CELF2: variants seen among roughly 807,000 people sequenced by gnomAD.
CELF2 encodes CUG triplet repeat RNA-binding protein 2.
Under a neutral mutation model 62.6 loss-of-function variants are expected in CELF2, and 8 were observed. The ratio of observed to expected loss-of-function variants is 0.13; its 90% CI spans 0.07 to 0.23. The LOEUF is 0.23. Among genes scored for constraint, CELF2 ranks in the 10% least tolerant of loss-of-function variants. CELF2 has a pLI of 1.00. For missense variants in CELF2, 333 were observed against 671.0 expected, an observed-to-expected ratio of 0.50 and a Z score of 5.56; for synonymous variants, 258 against 250.0, an observed-to-expected ratio of 1.03 and a Z score of -0.30.
rs190069927 is a variant in CELF2, at chr10:11,270,980, T to C, written c.777+156T>C. ...ATGCAGGATATTTTTCCAAGTTAGA[T>C]TGATTCTGTTAAGAACAGGACTAAT... On this transcript the variant is annotated intron_variant, in intron 7 of 12. Transcript: ENST00000633077. This position sits in a 1 kb window ranked among gnomAD's most constrained non-coding sequence, Gnocchi z 5.8. Among the ~76,000 whole-genome samples, 50 of 152,372 alleles carry C rather than the reference T, an allele frequency of 3.3e-4. No individual in the cohort carries two copies. Among genetic ancestry groups the C allele is most frequent in the African/African-American group, 1.2e-3 (49 of 41,580 alleles).
At chr10:10,921,199 C>T (rs745568351) in intron 2 of CELF2, among the ~76,000 whole-genome samples, 2 of 152,110 alleles carry the variant, frequency 1.3e-5, no homozygotes, top group Non-Finnish European at 2.9e-5. Context: ...AGGTGATCCA[C>T]CCGTCTCGGC....
At chr10:11,162,272 AC>A (rs1405290508) in intron 1 of CELF2, among the ~76,000 whole-genome samples, 1 of 152,008 alleles carries the variant, frequency 6.6e-6, no homozygotes, top group Non-Finnish European at 1.5e-5. Context: ...ATGGGACAGG[AC>A]CACCCATTTC....
At chr10:10,529,400 G>C in the CELF2 span, among the ~76,000 whole-genome samples, 90 of 152,246 alleles carry the variant, frequency 5.9e-4, no homozygotes, top group African/African-American at 2.0e-3. Context: ...GAAGGTGAGT[G>C]TGTTGGCAGG....
chr10:10,509,742 G>T, the CELF2 span, among the ~76,000 whole-genome samples: 4 of 152,168 alleles, frequency 2.6e-5, no homozygotes, highest in Non-Finnish European at 4.4e-5. Flanking sequence ...CACACATACT[G>T]CAAACTCACT....
the CELF2 span, among the ~76,000 whole-genome samples, chr10:10,719,930 A>G: frequency 6.6e-6 from 1 of 152,250 alleles, no homozygotes; most frequent in East Asian, 1.9e-4. Context: ...TTTTCAGTTC[A>G]TTGACAGCCA....
At chr10:11,198,835 A>C (rs1023351212) in intron 2 of CELF2, among the ~76,000 whole-genome samples, 2 of 152,240 alleles carry the variant, frequency 1.3e-5, no homozygotes, top group Non-Finnish European at 2.9e-5. Flanking sequence ...TGTTCGTGGC[A>C]ATCTATAGAC....
rs1223983510 is a variant in CELF2, at chr10:11,214,296, T to A, written c.272-3129T>A. ...CATCCTGTCTCAAAAATAAATAAATTTTTTAATGATGAAACTAACTAAGGT... is the reference window on the plus strand; with the variant it reads ...CATCCTGTCTCAAAAATAAATAAATATTTTAATGATGAAACTAACTAAGGT... On this transcript the variant is annotated intron_variant, in intron 2 of 12. Coordinates refer to ENST00000633077, the MANE Select transcript of CELF2 (RefSeq NM_001326342.2). The surrounding 1 kb of genome is among the most constrained non-coding windows in gnomAD (Gnocchi z 4.2). Among the ~76,000 whole-genome samples, 1 of 152,138 alleles carries A rather than the reference T, an allele frequency of 6.6e-6. No homozygotes were observed. Among genetic ancestry groups the A allele is most frequent in the Admixed American group, 6.5e-5 (1 of 15,278 alleles).
At chr10:10,802,119 A>C (rs2054726628) in intron 1 of CELF2, among the ~76,000 whole-genome samples, 1 of 152,188 alleles carries the variant, frequency 6.6e-6, no homozygotes, top group Admixed American at 6.5e-5. Context: ...TCAAAAGCTA[A>C]ATAAAGTATT....
At position 11,318,827 on chromosome 10, in the gene CELF2, A is replaced by G; in HGVS notation, c.1097-2362A>G. The G allele has an allele frequency of 2.1e-6, 1 of 471,296 alleles. No homozygotes were observed. Among genetic ancestry groups the G allele is most frequent in the Non-Finnish European group, 4.4e-6 (1 of 227,080 alleles). The allele number at this position is 471,296 out of a possible 1,614,324, so 29.2% of individuals were successfully genotyped here. A position where few individuals can be genotyped will look rare whatever the true frequency, so the allele number is the denominator to read the frequency against. On this transcript the variant is annotated intron_variant, in intron 10 of 12. Transcript: ENST00000633077. The surrounding 1 kb of genome is among the most constrained non-coding windows in gnomAD (Gnocchi z 5.4). ...CACTGCCATAAAATGCCACCTGTGTATCTGGCACTCTGGAGAAGCCGAGTC... is the reference window on the plus strand; with the variant it reads ...CACTGCCATAAAATGCCACCTGTGTGTCTGGCACTCTGGAGAAGCCGAGTC...
chr10:11,123,587 G>A (rs966056924), intron 1 of CELF2, among the ~76,000 whole-genome samples: 1 of 152,130 alleles, frequency 6.6e-6, no homozygotes, highest in East Asian at 1.9e-4. Context: ...GTTAAGAGTT[G>A]GGTGATAATC....
At chr10:10,522,307 G>A in the CELF2 span, among the ~76,000 whole-genome samples, 2 of 152,112 alleles carry the variant, frequency 1.3e-5, no homozygotes, top group South Asian at 4.1e-4. Flanking sequence ...CCAACATTAG[G>A]AAATATTGAG....
chr10:11,249,749 G>A (rs1048523911), intron 4 of CELF2, among the ~76,000 whole-genome samples: 3 of 152,182 alleles, frequency 2.0e-5, no homozygotes, highest in African/African-American at 7.2e-5. Context: ...TACACTTGGT[G>A]CAAAAATCTG....
At chr10:11,122,692 G>A (rs1375254898) in intron 1 of CELF2, among the ~76,000 whole-genome samples, 1 of 152,190 alleles carries the variant, frequency 6.6e-6, no homozygotes, top group African/African-American at 2.4e-5. Context: ...ACAACAAGCA[G>A]TCGTGAAAGA....
chr10:11,270,624 G>A lies in CELF2; in HGVS notation c.619-42G>A. On this transcript the variant is annotated intron_variant, in intron 6 of 12. Transcript: ENST00000633077. This position sits in a 1 kb window ranked among gnomAD's most constrained non-coding sequence, Gnocchi z 5.8. ...TGAGTGTCGTGAGCGGATTCCGCCA[G>A]CCTGTAACCCCCTCTCCACTTTCCA... 17 of 1,382,950 alleles carry A rather than the reference G, an allele frequency of 1.2e-5. No individual in the cohort carries two copies. Among genetic ancestry groups the A allele is most frequent in the Non-Finnish European group, 1.6e-5 (17 of 1,055,188 alleles). The allele number at this position is 1,382,950 out of a possible 1,614,324, so 85.7% of individuals were successfully genotyped here. A position where few individuals can be genotyped will look rare whatever the true frequency, so the allele number is the denominator to read the frequency against.
At chr10:11,275,159 T>C (rs377164964) in intron 8 of CELF2, 39 bp downstream of exon 8, 10 of 1,601,460 alleles carry the variant, frequency 6.2e-6, no homozygotes, top group Non-Finnish European at 8.6e-6. Context: ...GACCGTGCTA[T>C]TGTCAGAATT....
chr10:10,812,443 C>T (rs2056010950), intron 1 of CELF2, among the ~76,000 whole-genome samples: 1 of 152,164 alleles, frequency 6.6e-6, no homozygotes, highest in Non-Finnish European at 1.5e-5. Context: ...ATCACCACCA[C>T]TCTCGACTTT....
intron 1 of CELF2, among the ~76,000 whole-genome samples, chr10:11,130,239 A>C (rs1554857568): frequency 6.6e-6 from 1 of 152,182 alleles, no homozygotes; most frequent in Non-Finnish European, 1.5e-5. Flanking sequence ...TCTGAGAAAC[A>C]GTTTGTTGTA....
chr10:10,750,231 G>A, the CELF2 span, among the ~76,000 whole-genome samples: 3 of 151,138 alleles, frequency 2.0e-5, no homozygotes, highest in Admixed American at 1.3e-4. Flanking sequence ...GGAGTGAGCC[G>A]AGATTGCACC....
the CELF2 span, among the ~76,000 whole-genome samples, chr10:10,561,562 T>C: frequency 1.3e-5 from 2 of 152,134 alleles, no homozygotes; most frequent in South Asian, 2.1e-4. Context: ...TTTTGATGAG[T>C]GCTAAGGAGA....
Sources: gnomAD v4.1 joint callset for allele counts (sites outside exome capture counted in the v4.1 genomes callset) on GRCh38, gnomAD v4.1.1 for gene constraint, Gnocchi (gnomAD v3.1) non-coding constraint, MANE v1.5 for transcripts, NCBI Gene and HGNC (gene_info 2026-07-23, HGNC 2026-07-21) for gene names.